NCAM2: variants seen among roughly 807,000 people sequenced by gnomAD.
The protein encoded by NCAM2 is N-CAM-2.
Under a neutral mutation model 98.1 loss-of-function variants are expected in NCAM2, and 30 were observed. That is an observed-to-expected ratio of 0.31 (90% confidence interval 0.23 to 0.41). The LOEUF (loss-of-function observed/expected upper bound fraction) is 0.41, where lower values mean the gene tolerates loss of function less well. Among genes scored for constraint, NCAM2 ranks in the 10% least tolerant of loss-of-function variants. NCAM2 has a pLI of 1.00. For synonymous variants in NCAM2, 368 were observed against 342.4 expected, an observed-to-expected ratio of 1.07 and a Z score of -0.83; for missense variants, 867 against 1,005.8, an observed-to-expected ratio of 0.86 and a Z score of 1.87.
intron 1 of NCAM2, among the ~76,000 whole-genome samples, chr21:21,180,342 G>T (rs922805196): frequency 4.6e-5 from 7 of 151,986 alleles, no homozygotes; most frequent in Admixed American, 1.3e-4. Flanking sequence ...AGATCTATTT[G>T]CTATTGAGTT....
At chr21:21,470,219 C>CA (rs146639736) in intron 14 of NCAM2, among the ~76,000 whole-genome samples, 10,068 of 151,992 alleles carry the variant, frequency 0.066, 496 homozygotes, top group African/African-American at 0.13. Flanking sequence ...AGCAGAGTCA[C>CA]AAATGGAAAT....
intron 12 of NCAM2, among the ~76,000 whole-genome samples, chr21:21,450,793 T>C (rs867082865): frequency 4.2e-5 from 6 of 143,532 alleles, no homozygotes; most frequent in African/African-American, 7.9e-5. Flanking sequence ...TATGTATGTA[T>C]ACACACACAC....
At chr21:21,482,778 T>C (rs1180084728) in intron 15 of NCAM2, among the ~76,000 whole-genome samples, 3 of 58,746 alleles carry the variant, frequency 5.1e-5, no homozygotes, top group East Asian at 4.5e-4. Flanking sequence ...ATATTTTTCA[T>C]TTTTTCTTAT....
chr21:21,322,715 G>A (rs1183156552), intron 5 of NCAM2, among the ~76,000 whole-genome samples: 2 of 152,092 alleles, frequency 1.3e-5, no homozygotes, highest in African/African-American at 4.8e-5. Flanking sequence ...GGCATTTCAT[G>A]GTTGGTATCA....
chr21:21,053,503 A>G (rs1230156761), intron 1 of NCAM2, among the ~76,000 whole-genome samples: 1 of 151,056 alleles, frequency 6.6e-6, no homozygotes, highest in Non-Finnish European at 1.5e-5. Flanking sequence ...GTTTTTTGGA[A>G]CTCTGAAGGT....
At chr21:21,440,618 T>C (rs1979100753) in intron 12 of NCAM2, among the ~76,000 whole-genome samples, 1 of 150,972 alleles carries the variant, frequency 6.6e-6, no homozygotes, top group South Asian at 2.1e-4. Flanking sequence ...GAGGCAGAGG[T>C]TGCAGTGAGC....
At chr21:21,079,868 T>A (rs2065755684) in intron 1 of NCAM2, among the ~76,000 whole-genome samples, 4 of 152,244 alleles carry the variant, frequency 2.6e-5, no homozygotes, top group Non-Finnish European at 5.9e-5. Flanking sequence ...CTATAACTGT[T>A]ACCTACATGA....
intron 1 of NCAM2, among the ~76,000 whole-genome samples, chr21:21,203,561 G>A (rs1157826551): frequency 6.6e-6 from 1 of 152,070 alleles, no homozygotes; most frequent in Non-Finnish European, 1.5e-5. Flanking sequence ...ATTTCCTACA[G>A]GTTACAAATT....
chr21:21,522,916 G>T (rs1989112467), intron 16 of NCAM2, among the ~76,000 whole-genome samples: 1 of 152,072 alleles, frequency 6.6e-6, no homozygotes, highest in South Asian at 2.1e-4. Flanking sequence ...GAGCCACTGT[G>T]CCTGGCCCTG....
At chr21:21,107,121 G>T (rs191256648) in intron 1 of NCAM2, among the ~76,000 whole-genome samples, 126 of 152,120 alleles carry the variant, frequency 8.3e-4, no homozygotes, top group African/African-American at 3.0e-3. Flanking sequence ...TTCTTAAAAC[G>T]TCTGGTAATA....
At chr21:21,211,599 A>C (rs1429112436) in intron 1 of NCAM2, among the ~76,000 whole-genome samples, 1 of 152,170 alleles carries the variant, frequency 6.6e-6, no homozygotes, top group Non-Finnish European at 1.5e-5. Flanking sequence ...TGCAGGAAAA[A>C]CAAAACAAAC....
intron 15 of NCAM2, among the ~76,000 whole-genome samples, chr21:21,495,430 T>C (rs928092002): frequency 3.3e-5 from 5 of 151,994 alleles, no homozygotes; most frequent in Non-Finnish European, 7.4e-5. Context: ...GACAGACATT[T>C]AATAGCCATT....
chr21:21,429,308 G>C (rs946525135), intron 11 of NCAM2, among the ~76,000 whole-genome samples: 1 of 152,162 alleles, frequency 6.6e-6, no homozygotes, highest in African/African-American at 2.4e-5. Context: ...TTGGTGAATG[G>C]TGCAACCTCT....
At chr21:21,514,478 A>C (rs1052604370) in intron 16 of NCAM2, among the ~76,000 whole-genome samples, 6 of 79,852 alleles carry the variant, frequency 7.5e-5, no homozygotes, top group African/African-American at 1.2e-4. Flanking sequence ...AAAACAAAAA[A>C]AAAAAAAAAA....
intron 1 of NCAM2, among the ~76,000 whole-genome samples, chr21:21,208,121 C>G (rs953206967): frequency 6.6e-6 from 1 of 151,966 alleles, no homozygotes; most frequent in Non-Finnish European, 1.5e-5. Context: ...GATCATAAGC[C>G]CCTTTGAAGT....
chr21:21,212,859 C>T (rs1344705680), intron 1 of NCAM2, among the ~76,000 whole-genome samples: 2 of 151,450 alleles, frequency 1.3e-5, no homozygotes, highest in Admixed American at 6.6e-5. Flanking sequence ...TCTCCTGCCT[C>T]AGCCTCCCGA....
At chr21:21,065,577 C>T (rs193089448) in intron 1 of NCAM2, among the ~76,000 whole-genome samples, 5 of 152,208 alleles carry the variant, frequency 3.3e-5, no homozygotes, top group Admixed American at 6.5e-5. Context: ...ATGTAAGTAT[C>T]TCGTCATTAA....
chr21:21,194,173 A>G (rs2068924673), intron 1 of NCAM2, among the ~76,000 whole-genome samples: 1 of 152,182 alleles, frequency 6.6e-6, no homozygotes, highest in Non-Finnish European at 1.5e-5. Flanking sequence ...ACAAATTCTA[A>G]GCTTCAGCAA....
At chr21:21,532,219 T>A (rs1451623388) in intron 16 of NCAM2, among the ~76,000 whole-genome samples, 1 of 151,910 alleles carries the variant, frequency 6.6e-6, no homozygotes, top group Non-Finnish European at 1.5e-5. Flanking sequence ...GTATGCAGCA[T>A]GAAAAAATAA....
Sources: allele counts gnomAD v4.1 joint callset (sites outside exome capture counted in the v4.1 genomes callset), GRCh38; gene constraint gnomAD v4.1.1; transcripts MANE v1.5; gene names NCBI Gene and HGNC (gene_info 2026-07-23, HGNC 2026-07-21).